Variants in COL11A1 observed in about 807,000 individuals in gnomAD.
COL11A1 encodes collagen type XI alpha 1 chain, also known as collagen alpha-1(XI) chain.
COL11A1 carries 74 observed loss-of-function variants against 265.2 expected under a neutral mutation model. The observed-to-expected ratio is 0.28, with a 90% CI of 0.23 to 0.34. COL11A1 has a LOEUF of 0.34. Among genes scored for constraint, COL11A1 ranks in the 10% least tolerant of loss-of-function variants. The pLI is 1.00. For missense variants in COL11A1, 2,165 were observed against 2,263.6 expected, an observed-to-expected ratio of 0.96 and a Z score of 0.88; for synonymous variants, 816 against 727.6, an observed-to-expected ratio of 1.12 and a Z score of -1.96.
chr1:103,029,821 C>T (rs1240255033), intron 5 of COL11A1, among the ~76,000 whole-genome samples: 1 of 151,892 alleles, frequency 6.6e-6, no homozygotes, highest in Non-Finnish European at 1.5e-5. Context: ...AAAATAACAG[C>T]TTACCTGACA....
chr1:103,060,662 G>A (rs565347889), intron 4 of COL11A1, among the ~76,000 whole-genome samples: 1 of 152,176 alleles, frequency 6.6e-6, no homozygotes, highest in Non-Finnish European at 1.5e-5. Context: ...ATAGGTGTAA[G>A]TTCATATTTA....
At position 102,889,461 on chromosome 1, in the gene COL11A1, C is replaced by T. The variant is rs773023575; in HGVS notation, c.4458G>A (p.Gly1486=). 4 of 1,611,388 alleles carry T rather than the reference C, an allele frequency of 2.5e-6. No homozygotes were observed. In the African/African-American group the frequency reaches 4.0e-5, roughly 16 times the overall value. ...PGTQGSPGAK[G]DGGIPGPAGP... is the part of the protein sequence containing the mutation. ...AACCTATATTTTTACTCACCCCATC[C>T]CCTTTTGCTCCTGGAGATCCTTGAG... The change falls in exon 59 of 67, where the codon GGG becomes GGA. Residue 1486 remains glycine, a synonymous_variant. Coordinates refer to ENST00000370096, the MANE Select transcript of COL11A1 (RefSeq NM_001854.4).
intron 1 of COL11A1, among the ~76,000 whole-genome samples, chr1:103,085,382 A>C (rs2102338186): frequency 6.6e-6 from 1 of 152,176 alleles, no homozygotes; most frequent in East Asian, 1.9e-4. Context: ...ACATATACCC[A>C]CTCAACCAGA....
At chr1:102,919,008 G>A (rs1052699156) in intron 49 of COL11A1, among the ~76,000 whole-genome samples, 1 of 152,166 alleles carries the variant, frequency 6.6e-6, no homozygotes, top group East Asian at 1.9e-4. Context: ...AGGAGATGAT[G>A]CAAAGAGAAG....
chr1:102,911,895 A>G (rs967354541), intron 54 of COL11A1, among the ~76,000 whole-genome samples: 1 of 152,162 alleles, frequency 6.6e-6, no homozygotes, highest in African/African-American at 2.4e-5. Flanking sequence ...AATCTACTAC[A>G]TTTGTACAAA....
At chr1:102,909,197 T>C (rs1350752993) in intron 54 of COL11A1, among the ~76,000 whole-genome samples, 3 of 152,124 alleles carry the variant, frequency 2.0e-5, no homozygotes, top group Non-Finnish European at 4.4e-5. Flanking sequence ...ACTCTGTTAG[T>C]TCCTGAGAGA....
rs1203962636 is a variant in COL11A1 at position 102,912,186 on chromosome 1, A to G, written c.4059T>C (p.Ala1353=). The stretch of plus-strand genomic sequence containing the variant: ...GTTTTCCAGGAGGACCTGGTGGGCC[A>G]GCCTCACCAGATGGGCCAGGAGGAC... The part of the protein sequence containing the change: ...QPGPPGPSGE[A]GPPGPPGKRG... Residue 1353 remains alanine (A), a synonymous_variant, in exon 54 of 67, where the codon GCT becomes GCC. Coordinates refer to ENST00000370096, the MANE Select transcript of COL11A1 (RefSeq NM_001854.4). 1 of 1,611,726 alleles carries G rather than the reference A, an allele frequency of 6.2e-7. No individual in the cohort carries two copies. The highest frequency in any genetic ancestry group is 8.5e-7 in the Non-Finnish European group (1 of 1,179,054).
At chr1:102,964,420 G>A (rs1393358677) in intron 38 of COL11A1, among the ~76,000 whole-genome samples, 1 of 152,132 alleles carries the variant, frequency 6.6e-6, no homozygotes, top group Admixed American at 6.5e-5. Context: ...GAAGCCTTCA[G>A]CACAAGTAAG....
chr1:102,890,505 C>CT lies in COL11A1; in HGVS notation c.4303-2dup, dbSNP rs775260692. 2 of 1,593,246 alleles carry CT rather than the reference C, an allele frequency of 1.3e-6. No individual in the cohort carries two copies. Among genetic ancestry groups the CT allele is most frequent in the Non-Finnish European group, 1.7e-6 (2 of 1,173,270 alleles). ...TGAGACCAGGTAAGCCAGGAGGTCC[C>CT]TAAATAATAACAAAAAAAAAACCCC... On this transcript the variant is annotated splice_acceptor_variant, in intron 57 of 66. Coordinates refer to ENST00000370096, the MANE Select transcript of COL11A1 (RefSeq NM_001854.4). LOFTEE classifies it high-confidence loss of function.
intron 41 of COL11A1, among the ~76,000 whole-genome samples, chr1:102,953,067 T>C (rs993695471): frequency 1.3e-5 from 2 of 152,186 alleles, no homozygotes; most frequent in Non-Finnish European, 2.9e-5. Flanking sequence ...ATATACTTTT[T>C]TTGTTTGCAT....
intron 5 of COL11A1, 105 bp downstream of exon 5, chr1:103,031,011 G>T (rs565958402): frequency 4.6e-6 from 6 of 1,306,982 alleles, no homozygotes; most frequent in African/African-American, 4.4e-5. Context: ...AAAATACAAA[G>T]CATAGCTTAA....
At chr1:102,994,280 G>T (rs1664412283) in intron 28 of COL11A1, among the ~76,000 whole-genome samples, 1 of 152,174 alleles carries the variant, frequency 6.6e-6, no homozygotes. Context: ...AATGTTGAAA[G>T]TGGGACCTGG....
chr1:102,908,600 C>T (rs1371154370), intron 54 of COL11A1, among the ~76,000 whole-genome samples: 1 of 152,038 alleles, frequency 6.6e-6, no homozygotes, highest in Non-Finnish European at 1.5e-5. Context: ...AAAATCATTT[C>T]TCCCAGCAGA....
At chr1:102,929,824 T>A (rs1657163127) in intron 46 of COL11A1, among the ~76,000 whole-genome samples, 2 of 151,986 alleles carry the variant, frequency 1.3e-5, no homozygotes, top group Admixed American at 1.3e-4. Flanking sequence ...GTAAGTTGGA[T>A]TCCTAGGTAT....
At chr1:102,937,478 C>T (rs989743666) in intron 44 of COL11A1, among the ~76,000 whole-genome samples, 1 of 152,054 alleles carries the variant, frequency 6.6e-6, no homozygotes, top group Non-Finnish European at 1.5e-5. Context: ...AAATTTAATT[C>T]CCAGTGTTGG....
chr1:103,070,807 C>T (rs902845835), intron 4 of COL11A1, among the ~76,000 whole-genome samples: 2 of 151,882 alleles, frequency 1.3e-5, no homozygotes, highest in African/African-American at 4.8e-5. Flanking sequence ...CATCTTATAA[C>T]ATTGTTCTAT....
chr1:102,970,210 G>A lies in COL11A1; in HGVS notation c.2862+9C>T, dbSNP rs765241602. On this transcript the variant is annotated intron_variant, in intron 37 of 66. Coordinates refer to ENST00000370096, the MANE Select transcript of COL11A1 (RefSeq NM_001854.4). The stretch of plus-strand genomic sequence containing the variant: ...GGAAATTTTTAATAAGAGTAACAAG[G>A]TCACTTACAGTCTCCCCACGTTGCC... The A allele has an allele frequency of 7.4e-6, 12 of 1,611,546 alleles. No homozygotes were observed. Among genetic ancestry groups the A allele is most frequent in the Admixed American group, 1.7e-5 (1 of 59,982 alleles).
At chr1:103,003,858 A>G (rs911235023) in intron 20 of COL11A1, among the ~76,000 whole-genome samples, 2 of 152,118 alleles carry the variant, frequency 1.3e-5, no homozygotes, top group African/African-American at 2.4e-5. Context: ...AGAAAAGCCA[A>G]TAAAATAATC....
chr1:103,096,871 G>T (rs1306657698), intron 1 of COL11A1, among the ~76,000 whole-genome samples: 2 of 151,904 alleles, frequency 1.3e-5, no homozygotes, highest in African/African-American at 4.8e-5. Context: ...AGTCACATAA[G>T]GTTTAGAAAT....
Sources: allele counts gnomAD v4.1 joint callset (sites outside exome capture counted in the v4.1 genomes callset), GRCh38; gene constraint gnomAD v4.1.1; transcripts MANE v1.5; gene names NCBI Gene and HGNC (gene_info 2026-07-23, HGNC 2026-07-21).